The following TENM4 variants were observed in gnomAD, a reference collection of about 807,000 sequenced individuals.
The protein encoded by TENM4 is teneurin-4.
In TENM4, 82 loss-of-function variants were observed where a neutral mutation model predicts 243.3. That is an observed-to-expected ratio of 0.34 (90% confidence interval 0.28 to 0.40). The LOEUF (loss-of-function observed/expected upper bound fraction) is 0.40. Ranked by LOEUF, TENM4 falls within the 10% of genes least tolerant of loss-of-function variation. TENM4 has a pLI of 1.00. For synonymous variants in TENM4, 1,412 were observed against 1,456.3 expected (o/e 0.97, Z 0.69); for missense variants, 3,138 against 3,673.3 (o/e 0.85, Z 3.77).
At chr11:78,752,435 T>G (rs1316764167) in intron 19 of TENM4, among the ~76,000 whole-genome samples, 1 of 152,172 alleles carries the variant, frequency 6.6e-6, no homozygotes, top group Non-Finnish European at 1.5e-5. Flanking sequence ...TACTTGAGGC[T>G]CCCTGAGGCT....
chr11:78,890,003 G>C lies in TENM4; in HGVS notation c.866C>G (p.Pro289Arg). 1 of 1,541,878 alleles carries C rather than the reference G, an allele frequency of 6.5e-7. No homozygotes were observed. Among genetic ancestry groups the C allele is most frequent in the East Asian group, 2.5e-5 (1 of 40,720 alleles). Residue 289 changes from proline (P) to arginine (R), a missense_variant, in exon 9 of 34, where the codon CCT becomes CGT. Physicochemically the swap from Pro to Arg is moderately radical, Grantham distance 103. Transcript: ENST00000278550. ...GCAGAAGAGCGGGGAGGTGCCTCCA[G>C]GCTTGAAGAGGAAGTGCCTGCAGAT... is the stretch of plus-strand genomic sequence containing the variant. ...AYSDGHFLFK[P>R]GGTSPLFCTT...
At chr11:79,106,775 C>A (rs1324356740) in intron 4 of TENM4, among the ~76,000 whole-genome samples, 3 of 152,178 alleles carry the variant, frequency 2.0e-5, no homozygotes, top group Admixed American at 6.5e-5. Flanking sequence ...ATCTGCTGAC[C>A]CGCATCTTCT....
At chr11:78,951,232 T>A (rs1029482180) in intron 6 of TENM4, among the ~76,000 whole-genome samples, 1 of 152,200 alleles carries the variant, frequency 6.6e-6, no homozygotes, top group Non-Finnish European at 1.5e-5. Context: ...GTGTGCCCAA[T>A]GCACATGGCT....
chr11:79,338,870 G>T (rs1221867005), intron 1 of TENM4, among the ~76,000 whole-genome samples: 1 of 152,236 alleles, frequency 6.6e-6, no homozygotes. Context: ...CCAGCTGAGA[G>T]TAATGTCTGC....
Position 79,069,892 on chromosome 11 carries a change from G to T in TENM4, c.53C>A (p.Ala18Asp). The T allele has an allele frequency of 6.5e-7, 1 of 1,548,470 alleles. No homozygotes were observed. The highest frequency in any genetic ancestry group is 1.4e-5 in the African/African-American group (1 of 73,162). Residue 18 changes from alanine (A) to aspartate (D), a missense_variant, in exon 5 of 34, where the codon GCC becomes GAC. This residue lies in a region of TENM4 where 671 missense variants were observed against 614.1 expected (regional missense o/e 1.09). Coordinates refer to ENST00000278550, the MANE Select transcript of TENM4 (RefSeq NM_001098816.3). ...GGACGAGCTGGTGTAGCGGCGCTCGGCGTCGCGGCGCCGGGTCAGCGAGCG... is the reference window on the plus strand; with the variant it reads ...GGACGAGCTGGTGTAGCGGCGCTCGTCGTCGCGGCGCCGGGTCAGCGAGCG... The part of the protein sequence containing the change: ...PYRSLTRRRD[A>D]ERRYTSSSAD...
intron 4 of TENM4, among the ~76,000 whole-genome samples, chr11:79,140,634 T>C (rs1862268938): frequency 1.3e-5 from 2 of 152,260 alleles, no homozygotes; most frequent in African/African-American, 4.8e-5. Flanking sequence ...GTAGCACTGT[T>C]TGACCACCAC....
rs56973257 is a variant in TENM4 at position 78,942,259 on chromosome 11, C to CAAAAAAAAAAAAAAAAAA, written c.494-38754_494-38737dup. Among the ~76,000 whole-genome samples the CAAAAAAAAAAAAAAAAAA allele has an allele frequency of 2.7e-4, 3 of 11,218 alleles. 1 individual carries two copies. Among genetic ancestry groups the CAAAAAAAAAAAAAAAAAA allele is most frequent in the Non-Finnish European group, 5.0e-4 (3 of 5,974 alleles). The allele number at this position is 11,218 out of a possible 152,430, so 7.4% of individuals were successfully genotyped here. ...TGAAACCCATCTCTACAAAATACACCAAAAAAAAAAAAAAAAAAAAAAAAA... is the reference window on the plus strand; with the variant it reads ...TGAAACCCATCTCTACAAAATACACCAAAAAAAAAAAAAAAAAAAAAAAAAAAAAAAAAAAAAAAAAAA... On this transcript the variant is annotated intron_variant, in intron 6 of 33. Coordinates refer to ENST00000278550, the MANE Select transcript of TENM4 (RefSeq NM_001098816.3).
At chr11:78,707,415 C>A (rs1859284278) in intron 27 of TENM4, among the ~76,000 whole-genome samples, 1 of 152,228 alleles carries the variant, frequency 6.6e-6, no homozygotes, top group Admixed American at 6.5e-5. Flanking sequence ...TAATGGGTTC[C>A]TGGTATCCAC....
Position 78,835,843 on chromosome 11 carries a change from C to A in TENM4, c.1681+18261G>T, listed in dbSNP as rs76435368. On this transcript the variant is annotated intron_variant, in intron 12 of 33. Transcript: ENST00000278550. ...TCACAGTCACATTACTGATCAATGT[C>A]TTTCCGGACAGACTTGAAGATCCAC... Among the ~76,000 whole-genome samples, 955 of 152,352 alleles carry A rather than the reference C, an allele frequency of 6.3e-3. 8 individuals carry two copies. The highest frequency in any genetic ancestry group is 0.022 in the African/African-American group (902 of 41,582).
intron 6 of TENM4, among the ~76,000 whole-genome samples, chr11:78,968,434 G>A (rs1442161043): frequency 6.6e-6 from 1 of 152,202 alleles, no homozygotes; most frequent in Non-Finnish European, 1.5e-5. Context: ...ACAGGTGTGT[G>A]CCACCATGCC....
At chr11:79,313,702 A>G (rs1057463499) in intron 1 of TENM4, among the ~76,000 whole-genome samples, 2 of 152,180 alleles carry the variant, frequency 1.3e-5, no homozygotes, top group African/African-American at 4.8e-5. Flanking sequence ...GACTCAACAA[A>G]TGGCCTCCAT....
chr11:78,938,830 T>C (rs1856835813), intron 6 of TENM4, among the ~76,000 whole-genome samples: 1 of 152,166 alleles, frequency 6.6e-6, no homozygotes, highest in African/African-American at 2.4e-5. Flanking sequence ...GTATACTAAA[T>C]GCAACTCCAA....
chr11:79,117,046 T>A (rs544199453), intron 4 of TENM4, among the ~76,000 whole-genome samples: 1 of 152,344 alleles, frequency 6.6e-6, no homozygotes, highest in African/African-American at 2.4e-5. Flanking sequence ...ATCATTATTA[T>A]CATTTTTATT....
At chr11:78,708,140 C>G (rs184044049) in intron 27 of TENM4, among the ~76,000 whole-genome samples, 1 of 152,384 alleles carries the variant, frequency 6.6e-6, no homozygotes, top group East Asian at 1.9e-4. Context: ...GATTTCTTCA[C>G]TGTCCCCTGG....
chr11:78,855,797 T>C (rs890925401), intron 11 of TENM4, among the ~76,000 whole-genome samples, 167 bp downstream of exon 11: 2 of 152,200 alleles, frequency 1.3e-5, no homozygotes, highest in Non-Finnish European at 2.9e-5. Context: ...GATATAACCT[T>C]ACTCATCTGA....
At chr11:79,105,068 T>G (rs1446090532) in intron 4 of TENM4, among the ~76,000 whole-genome samples, 2 of 152,214 alleles carry the variant, frequency 1.3e-5, no homozygotes, top group Non-Finnish European at 2.9e-5. Flanking sequence ...AATTAAGTTC[T>G]ATAATCACAC....
At chr11:78,753,177 T>C (rs377212311) in intron 19 of TENM4, among the ~76,000 whole-genome samples, 2 of 152,226 alleles carry the variant, frequency 1.3e-5, no homozygotes, top group Non-Finnish European at 2.9e-5. Flanking sequence ...CACTATGATA[T>C]GCGGCTGCTA....
chr11:78,669,492 C>A lies in TENM4; in HGVS notation c.6853G>T (p.Gly2285Cys). The A allele has an allele frequency of 1.2e-6, 2 of 1,613,912 alleles. No individual in the cohort carries two copies. The highest frequency in any genetic ancestry group is 1.7e-6 in the Non-Finnish European group (2 of 1,179,864). The change falls in exon 32 of 34, where the codon GGC (glycine) becomes TGC (cysteine). Residue 2285 changes from glycine to cysteine, a missense_variant. Around this residue, in one of 2 missense-constraint regions of TENM4, gnomAD observed 2,467 missense variants for 3,059.1 expected, o/e 0.81. Coordinates refer to ENST00000278550, the MANE Select transcript of TENM4 (RefSeq NM_001098816.3). This position sits in a 1 kb window ranked among gnomAD's most constrained non-coding sequence, Gnocchi z 6.4. ...TAGCGGTACCTGACACTCCAGCTGCCAGCCCGGTTGTAGGCCTTGATGAGC... is the reference window on the plus strand; with the variant it reads ...TAGCGGTACCTGACACTCCAGCTGCAAGCCCGGTTGTAGGCCTTGATGAGC... Reference protein sequence around the residue: ...GLLIKAYNRAGSWSVRYRYDG... With the variant: ...GLLIKAYNRACSWSVRYRYDG...
intron 1 of TENM4, among the ~76,000 whole-genome samples, chr11:79,371,331 G>A (rs919010218): frequency 4.6e-5 from 7 of 152,184 alleles, no homozygotes; most frequent in South Asian, 2.1e-4. Context: ...GAGGCACTGG[G>A]TGATGCCTAC....
Sources: allele counts gnomAD v4.1 joint callset (sites outside exome capture counted in the v4.1 genomes callset), GRCh38; gene constraint gnomAD v4.1.1; regional missense constraint gnomAD v4.1.1; non-coding constraint Gnocchi (gnomAD v3.1); transcripts MANE v1.5; gene names NCBI Gene and HGNC (gene_info 2026-07-23, HGNC 2026-07-21).